AZI2: variants seen among roughly 807,000 people sequenced by gnomAD.
AZI2 encodes 5-azacytidine induced 2, also known as 5-azacytidine-induced protein 2.
AZI2 carries 22 observed loss-of-function variants against 45.8 expected under a neutral mutation model. The ratio of observed to expected loss-of-function variants is 0.48; its 90% CI spans 0.34 to 0.69. The LOEUF is 0.69. AZI2 is among the 30% of genes least tolerant of loss of function. AZI2 has a pLI of 0.01. For missense variants in AZI2, 417 were observed against 441.5 expected (o/e 0.94, Z 0.50); for synonymous variants, 137 against 156.7 (o/e 0.87, Z 0.94).
intron 1 of AZI2, among the ~76,000 whole-genome samples, chr3:28,341,272 G>T (rs1704007852): frequency 6.6e-6 from 1 of 151,970 alleles, no homozygotes; most frequent in African/African-American, 2.4e-5. Flanking sequence ...ACAATTCTAT[G>T]AAATATGTAT....
Position 28,323,974 on chromosome 3 carries a change from A to G in AZI2, c.*68T>C, listed in dbSNP as rs1703280503. 6.8e-7 allele frequency: 1 copy of G among 1,478,978 alleles called. No homozygotes were observed. Among genetic ancestry groups the G allele is most frequent in the Admixed American group, 2.2e-5 (1 of 46,316 alleles). 91.6% of individuals were successfully genotyped at this position (1,478,978 alleles called of 1,614,324 possible). On this transcript the variant is annotated 3_prime_UTR_variant, in exon 8 of 8. Coordinates refer to ENST00000479665, the MANE Select transcript of AZI2 (RefSeq NM_022461.5). ...TCAAAATCTCCTTTCAGTTTGTTAAATAATTTCTTGGGAGGACCACTGAAA... is the reference window on the plus strand; with the variant it reads ...TCAAAATCTCCTTTCAGTTTGTTAAGTAATTTCTTGGGAGGACCACTGAAA...
At chr3:28,335,250 C>T (rs905800048) in intron 5 of AZI2, among the ~76,000 whole-genome samples, 13 of 151,958 alleles carry the variant, frequency 8.6e-5, no homozygotes, top group African/African-American at 2.9e-4. Context: ...CTGCTTGCTA[C>T]ACTACAACAA....
At chr3:28,326,800 G>C (rs758714737) in intron 7 of AZI2, 32 bp downstream of exon 7, 2 of 1,504,674 alleles carry the variant, frequency 1.3e-6, no homozygotes, top group South Asian at 1.1e-5. Flanking sequence ...AGTTTGGCTG[G>C]AATCAGTGGT....
At chr3:28,335,081 C>A (rs1559459547) in intron 5 of AZI2, among the ~76,000 whole-genome samples, 1 of 151,938 alleles carries the variant, frequency 6.6e-6, no homozygotes, top group African/African-American at 2.4e-5. Flanking sequence ...TCTAAAGTCC[C>A]TAATAACTGC....
In AZI2 at chr3:28,341,271, T is replaced by C. The variant is rs192969583; in HGVS notation, c.-5-649A>G. Among the ~76,000 whole-genome samples the C allele has an allele frequency of 2.5e-3, 388 of 152,216 alleles. 2 individuals are homozygous for C. The highest frequency in any genetic ancestry group is 8.8e-3 in the African/African-American group (366 of 41,570). On this transcript the variant is annotated intron_variant, in intron 1 of 7. Transcript: ENST00000479665. ...TCTTTTAATTATCTGAACAATTCTATGAAATATGTATCATCTATATTTTAT... is the reference window on the plus strand; with the variant it reads ...TCTTTTAATTATCTGAACAATTCTACGAAATATGTATCATCTATATTTTAT...
In AZI2 at chr3:28,327,010, A is replaced by G. The variant is rs113471797; in HGVS notation, c.648-60T>C. On this transcript the variant is annotated intron_variant, in intron 6 of 7. Coordinates refer to ENST00000479665, the MANE Select transcript of AZI2 (RefSeq NM_022461.5). ...ATCATTCTTTTTTAGACAAAAGGGA[A>G]TAACTTTAGAAATATGCAGATCAAG... The G allele has an allele frequency of 2.8e-3, 3,285 of 1,179,012 alleles. 100 individuals carry two copies. The African/African-American group carries it at 0.044, about 16-fold the overall frequency. The allele number at this position is 1,179,012 out of a possible 1,614,324, so 73.0% of individuals were successfully genotyped here. A position where few individuals can be genotyped will look rare whatever the true frequency, so the allele number is the denominator to read the frequency against.
chr3:28,323,899 T>C lies in AZI2; in HGVS notation c.*143A>G, dbSNP rs995692255. On this transcript the variant is annotated 3_prime_UTR_variant, in exon 8 of 8. Coordinates refer to ENST00000479665, the MANE Select transcript of AZI2 (RefSeq NM_022461.5). ...ACCAACTATGTTGGTTTTTGTACTA[T>C]TGTACAGTGTGTTCAAATATAGATA... 1.8e-5 allele frequency: 17 copies of C among 919,310 alleles called. No homozygotes were observed. The highest frequency in any genetic ancestry group is 2.8e-5 in the Non-Finnish European group (17 of 615,332). The allele number at this position is 919,310 out of a possible 1,614,324, so 56.9% of individuals were successfully genotyped here.
intron 6 of AZI2, chr3:28,331,750 T>C (rs998211076): frequency 3.5e-6 from 5 of 1,449,222 alleles, no homozygotes; most frequent in Non-Finnish European, 3.7e-6. Context: ...CTTAACATAG[T>C]AGAAACAACA....
At chr3:28,347,568 A>G (rs1410853149) in intron 1 of AZI2, among the ~76,000 whole-genome samples, 3 of 152,224 alleles carry the variant, frequency 2.0e-5, no homozygotes, top group Non-Finnish European at 4.4e-5. Context: ...AAATGAAGAA[A>G]AAGTTTAGCC....
At position 28,326,841 on chromosome 3, in the gene AZI2, T is replaced by A. The variant is rs1229450772; in HGVS notation, c.757A>T (p.Ile253Phe). The change falls in exon 7 of 8, where the codon ATC becomes TTC. Residue 253 changes from isoleucine to phenylalanine, a missense_variant. By Grantham distance (21) the Ile-to-Phe change is conservative. Transcript: ENST00000479665. ...LLRKLKTSTA[I>F]KKACAPVGCS... ...GTAAACAGTGACTTGCCTTTCTTGATTGCAGTTGAGGTTTTCAGTTTTCTT... is the reference window on the plus strand; with the variant it reads ...GTAAACAGTGACTTGCCTTTCTTGAATGCAGTTGAGGTTTTCAGTTTTCTT... 1 of 1,606,088 alleles carries A rather than the reference T, an allele frequency of 6.2e-7. No homozygotes were observed. Among genetic ancestry groups the A allele is most frequent in the Non-Finnish European group, 8.5e-7 (1 of 1,173,756 alleles).
chr3:28,327,843 A>C (rs1180306096), intron 6 of AZI2, among the ~76,000 whole-genome samples: 4 of 150,666 alleles, frequency 2.7e-5, no homozygotes, highest in Non-Finnish European at 6.0e-5. Flanking sequence ...GTAAGACTAA[A>C]TCTTATAACA....
chr3:28,343,156 T>G (rs904426820), intron 1 of AZI2, among the ~76,000 whole-genome samples: 3 of 151,922 alleles, frequency 2.0e-5, no homozygotes, highest in Non-Finnish European at 4.4e-5. Flanking sequence ...AGGTAATAAA[T>G]TTGAAACAAC....
intron 4 of AZI2, chr3:28,337,265 T>C (rs1318643888): frequency 5.9e-6 from 1 of 169,560 alleles, no homozygotes; most frequent in Non-Finnish European, 1.3e-5. Context: ...GCTCAGAGCA[T>C]GATGTCAAAA....
intron 2 of AZI2, 128 bp from the exon 3 acceptor site, chr3:28,338,743 G>C: frequency 2.5e-6 from 2 of 814,244 alleles, no homozygotes; most frequent in Non-Finnish European, 3.5e-6. Flanking sequence ...TTCATTAGGT[G>C]AGTATTTCAT....
At chr3:28,333,241 A>C (rs928744799) in intron 5 of AZI2, among the ~76,000 whole-genome samples, 11 of 151,934 alleles carry the variant, frequency 7.2e-5, no homozygotes, top group Non-Finnish European at 1.6e-4. Flanking sequence ...CAAGGACTTC[A>C]TGAGTACTCT....
intron 1 of AZI2, among the ~76,000 whole-genome samples, chr3:28,346,063 G>C (rs1162893429): frequency 6.6e-6 from 1 of 152,090 alleles, no homozygotes; most frequent in East Asian, 1.9e-4. Context: ...CAGTGGCAAA[G>C]GTGAGATGTG....
intron 7 of AZI2, 59 bp from the exon 8 acceptor site, chr3:28,324,513 G>T: frequency 2.9e-6 from 4 of 1,359,402 alleles, no homozygotes; most frequent in Admixed American, 2.6e-5. Flanking sequence ...CATAAAATTC[G>T]ATAACACTTC....
At chr3:28,326,333 G>A (rs896954886) in intron 7 of AZI2, among the ~76,000 whole-genome samples, 1 of 150,902 alleles carries the variant, frequency 6.6e-6, no homozygotes, top group Non-Finnish European at 1.5e-5. Flanking sequence ...CCTAGTCTTC[G>A]TTGTAATCAG....
chr3:28,331,778 AAC>A, intron 6 of AZI2: 4 of 1,510,762 alleles, frequency 2.6e-6, no homozygotes, highest in Admixed American at 4.2e-5. Context: ...GATAGCTTAA[AAC>A]ACAGAATTGA....
Sources: gnomAD v4.1 joint callset for allele counts (sites outside exome capture counted in the v4.1 genomes callset) on GRCh38, gnomAD v4.1.1 for gene constraint, MANE v1.5 for transcripts, NCBI Gene and HGNC (gene_info 2026-07-23, HGNC 2026-07-21) for gene names.